MBD2: variants seen among roughly 807,000 people sequenced by gnomAD.
MBD2 encodes the protein methyl-CpG binding domain protein 2.
Under a neutral mutation model 39.3 loss-of-function variants are expected in MBD2, and 9 were observed. The ratio of observed to expected loss-of-function variants is 0.23; its 90% CI spans 0.14 to 0.40. MBD2 has a LOEUF of 0.40. Ranked by LOEUF, MBD2 falls within the 10% of genes least tolerant of loss-of-function variation. The pLI is 1.00. For missense variants in MBD2, 458 were observed against 532.6 expected, an observed-to-expected ratio of 0.86 and a Z score of 1.38; for synonymous variants, 233 against 211.1, an observed-to-expected ratio of 1.10 and a Z score of -0.90.
At chr18:54,220,358 G>C (rs529573769) in intron 1 of MBD2, among the ~76,000 whole-genome samples, 2 of 152,034 alleles carry the variant, frequency 1.3e-5, no homozygotes, top group Admixed American at 1.3e-4. Flanking sequence ...AACACTATCA[G>C]TAATCCTGAC....
intron 1 of MBD2, among the ~76,000 whole-genome samples, chr18:54,217,127 G>T (rs567599497): frequency 6.6e-6 from 1 of 152,060 alleles, no homozygotes; most frequent in Non-Finnish European, 1.5e-5. Flanking sequence ...TAAAGGGGAC[G>T]ATGTTCTTCT....
chr18:54,172,524 T>C (rs2086185419), intron 3 of MBD2, among the ~76,000 whole-genome samples: 1 of 152,226 alleles, frequency 6.6e-6, no homozygotes, highest in Admixed American at 6.5e-5. Context: ...TTAATTATAC[T>C]AATAGCTACT....
chr18:54,213,370 G>A (rs2086527073), intron 1 of MBD2, among the ~76,000 whole-genome samples: 1 of 152,136 alleles, frequency 6.6e-6, no homozygotes, highest in Admixed American at 6.5e-5. Context: ...TCTAACTAAT[G>A]CCTGATGATC....
chr18:54,204,917 C>A, intron 2 of MBD2, 81 bp downstream of exon 2: 6 of 1,410,684 alleles, frequency 4.3e-6, no homozygotes, highest in Non-Finnish European at 5.8e-6. Context: ...AACCAAAATT[C>A]CAGTCACTTA....
intron 2 of MBD2, among the ~76,000 whole-genome samples, chr18:54,200,560 A>C (rs923062607): frequency 6.6e-6 from 1 of 152,166 alleles, no homozygotes; most frequent in African/African-American, 2.4e-5. Flanking sequence ...CTCTCCTCCC[A>C]GTTCCCTGCT....
Position 54,153,331 on chromosome 18 carries a change from G to C in MBD2, c.*1993C>G, listed in dbSNP as rs1426572814. ...AGGGTGGTAGGTTTGTGGGGACCAG[G>C]TGATGAAGTTTTGAACATGTTGTCT... On this transcript the variant is annotated 3_prime_UTR_variant, in exon 7 of 7. Coordinates refer to ENST00000256429, the MANE Select transcript of MBD2 (RefSeq NM_003927.5). The C allele has an allele frequency of 2.0e-5, 3 of 152,364 alleles. No homozygotes were observed. The South Asian group carries it at 6.2e-4, about 32-fold the overall frequency. The allele number at this position is 152,364 out of a possible 1,614,324, so 9.4% of individuals were successfully genotyped here.
chr18:54,192,190 T>G (rs1208243616), intron 2 of MBD2, among the ~76,000 whole-genome samples: 1 of 152,192 alleles, frequency 6.6e-6, no homozygotes, highest in Non-Finnish European at 1.5e-5. Context: ...TGTCACTAAT[T>G]AGGTATAATC....
chr18:54,179,433 A>G (rs2086233953), intron 3 of MBD2, among the ~76,000 whole-genome samples: 1 of 152,218 alleles, frequency 6.6e-6, no homozygotes, highest in Admixed American at 6.5e-5. Context: ...AGTCAATTTC[A>G]ATCATGAATA....
In MBD2 at chr18:54,151,933, TCA is replaced by T. The variant is rs1482997853; in HGVS notation, c.*3389_*3390del. 3 of 152,134 alleles carry T rather than the reference TCA, an allele frequency of 2.0e-5. No homozygotes were observed. The highest frequency in any genetic ancestry group is 2.0e-4 in the Admixed American group (3 of 15,270). 9.4% of individuals were successfully genotyped at this position (152,134 alleles called of 1,614,324 possible). ...TTCCAACTGCATGACTCTTGTTCAT[TCA>T]CAGATTCATTCAACAAATATTTAAT... On this transcript the variant is annotated 3_prime_UTR_variant, in exon 7 of 7. Coordinates refer to ENST00000256429, the MANE Select transcript of MBD2 (RefSeq NM_003927.5).
intron 1 of MBD2, among the ~76,000 whole-genome samples, chr18:54,219,271 C>T (rs546601925): frequency 1.1e-4 from 16 of 152,308 alleles, no homozygotes; most frequent in Middle Eastern, 3.4e-3. Flanking sequence ...AAATGCATAG[C>T]CTTATTAATA....
chr18:54,208,842 C>A (rs551421507), intron 1 of MBD2, among the ~76,000 whole-genome samples: 31 of 152,278 alleles, frequency 2.0e-4, no homozygotes, highest in African/African-American at 7.5e-4. Flanking sequence ...TCATTAGAGA[C>A]CAGTTCATTT....
chr18:54,181,742 AC>A (rs1349225378), intron 3 of MBD2, among the ~76,000 whole-genome samples: 3 of 151,286 alleles, frequency 2.0e-5, no homozygotes, highest in Non-Finnish European at 3.0e-5. Flanking sequence ...CACGTGATCC[AC>A]CCGCCTCGGC....
Position 54,198,387 on chromosome 18 carries a change from C to T in MBD2, c.702+6611G>A, listed in dbSNP as rs1220642288. Among the ~76,000 whole-genome samples, 3 of 152,214 alleles carry T rather than the reference C, an allele frequency of 2.0e-5. No homozygotes were observed. In the East Asian group the frequency reaches 5.8e-4, roughly 29 times the overall value. On this transcript the variant is annotated intron_variant, in intron 2 of 6. Transcript: ENST00000256429. ...AGTGGTTATTTTTCAGTTATAGATT[C>T]CATTGAGAATTTGAGGAAAATAAGC...
At chr18:54,202,930 G>C in intron 2 of MBD2, 1 of 1,013,720 alleles carries the variant, frequency 9.9e-7, no homozygotes, top group Non-Finnish European at 1.6e-6. Context: ...CCTGGAGTAT[G>C]CAGGGCAGGC....
intron 3 of MBD2, among the ~76,000 whole-genome samples, chr18:54,177,447 G>A (rs1234728932): frequency 1.3e-5 from 2 of 151,812 alleles, no homozygotes; most frequent in Non-Finnish European, 2.9e-5. Context: ...CTTAAGAAAA[G>A]CTTTCTTGAA....
chr18:54,211,032 C>T (rs534153769), intron 1 of MBD2, among the ~76,000 whole-genome samples: 3 of 151,032 alleles, frequency 2.0e-5, no homozygotes, highest in South Asian at 4.2e-4. Context: ...CCACTACGCC[C>T]GGCTAATTTT....
chr18:54,210,968 T>C (rs1308631522), intron 1 of MBD2, among the ~76,000 whole-genome samples: 1 of 144,896 alleles, frequency 6.9e-6, no homozygotes, highest in Non-Finnish European at 1.5e-5. Flanking sequence ...GCCTCCCGGG[T>C]TCACGCCATT....
intron 3 of MBD2, among the ~76,000 whole-genome samples, chr18:54,182,069 G>A (rs914811244): frequency 6.6e-6 from 1 of 151,860 alleles, no homozygotes. Flanking sequence ...CACACTAGAT[G>A]GAAAGTTCCA....
intron 4 of MBD2, among the ~76,000 whole-genome samples, 173 bp from the exon 5 acceptor site, chr18:54,164,873 A>C (rs2086120284): frequency 6.6e-6 from 1 of 152,254 alleles, no homozygotes; most frequent in Non-Finnish European, 1.5e-5. Context: ...GACACACTAA[A>C]GAATTCACAC....
Sources: allele counts gnomAD v4.1 joint callset (sites outside exome capture counted in the v4.1 genomes callset), GRCh38; gene constraint gnomAD v4.1.1; transcripts MANE v1.5; gene names NCBI Gene and HGNC (gene_info 2026-07-23, HGNC 2026-07-21).